The following RGS22 variants were observed in gnomAD, a reference collection of about 807,000 sequenced individuals.
RGS22 encodes regulator of G-protein signaling 22.
In RGS22, 148 loss-of-function variants were observed where a neutral mutation model predicts 172.9. The observed-to-expected ratio is 0.86, with a 90% CI of 0.75 to 0.98. The LOEUF (loss-of-function observed/expected upper bound fraction) is 0.98, where lower values mean the gene tolerates loss of function less well. RGS22 is among the 50% of genes least tolerant of loss of function. The probability of loss-of-function intolerance (pLI) is 0.00; values close to 1 mark genes in which losing one functional copy is unlikely to be tolerated. For synonymous variants in RGS22, 458 were observed against 480.2 expected (o/e 0.95, Z 0.60); for missense variants, 1,347 against 1,440.8 (o/e 0.93, Z 1.05).
At chr8:99,993,850 G>C (rs553574486) in intron 20 of RGS22, among the ~76,000 whole-genome samples, 1 of 152,222 alleles carries the variant, frequency 6.6e-6, no homozygotes, top group Admixed American at 6.5e-5. Flanking sequence ...GACAAACATC[G>C]ATGCGAAAAT....
At chr8:100,087,538 C>T (rs530862311) in intron 3 of RGS22, among the ~76,000 whole-genome samples, 10 of 150,038 alleles carry the variant, frequency 6.7e-5, no homozygotes, top group Non-Finnish European at 1.2e-4. Flanking sequence ...TAATTAGTGA[C>T]GTACTTAAAC....
rs190017577 is a variant in RGS22 at position 100,011,265 on chromosome 8, G to T, written c.2167-2696C>A. On this transcript the variant is annotated intron_variant, in intron 14 of 27. Transcript: ENST00000360863. ...GAATCTTTGAAGGATTTTAACTGAG[G>T]AGTGACGTCATTGGATGTGATAGTT... Among the ~76,000 whole-genome samples the T allele has an allele frequency of 9.9e-5, 15 of 152,200 alleles. No homozygotes were observed. The East Asian group carries it at 2.9e-3, about 29-fold the overall frequency.
At chr8:100,059,967 C>A (rs991885078) in intron 9 of RGS22, among the ~76,000 whole-genome samples, 2 of 152,100 alleles carry the variant, frequency 1.3e-5, no homozygotes, top group Admixed American at 1.3e-4. Flanking sequence ...CTCAAGCGAT[C>A]CTCCTGCCTC....
Position 99,987,445 on chromosome 8 carries a change from C to A in RGS22, c.3180+13G>T. On this transcript the variant is annotated intron_variant, in intron 21 of 27. Transcript: ENST00000360863. ...TCAAAACAGGTGGTTTTCTCTAGCT[C>A]CCAATACAATACCTTATATTTTTGT... 1 of 1,570,874 alleles carries A rather than the reference C, an allele frequency of 6.4e-7. No individual in the cohort carries two copies. The highest frequency in any genetic ancestry group is 8.7e-7 in the Non-Finnish European group (1 of 1,155,538).
intron 11 of RGS22, among the ~76,000 whole-genome samples, chr8:100,046,825 GT>G (rs375926392): frequency 3.4e-5 from 5 of 148,974 alleles, no homozygotes; most frequent in Non-Finnish European, 4.5e-5. Flanking sequence ...TTGTTTTTTT[GT>G]TTTTTTTTAG....
rs574003329 is a variant in RGS22 at position 99,989,728 on chromosome 8, C to G, written c.3019-2109G>C. On this transcript the variant is annotated intron_variant, in intron 20 of 27. Transcript: ENST00000360863. Reference sequence around the variant, plus strand: ...GGTGTGGTGGTGCGTGCCTGTAATCCCAACTACTGGGGAGTTTGAGGCACG... The same window carrying G: ...GGTGTGGTGGTGCGTGCCTGTAATCGCAACTACTGGGGAGTTTGAGGCACG... Among the ~76,000 whole-genome samples the G allele has an allele frequency of 2.6e-5, 4 of 152,180 alleles. No individual in the cohort carries two copies. The East Asian group carries it at 7.7e-4, about 29-fold the overall frequency.
At chr8:100,039,651 C>T (rs1340384324) in intron 13 of RGS22, among the ~76,000 whole-genome samples, 2 of 152,096 alleles carry the variant, frequency 1.3e-5, no homozygotes, top group African/African-American at 2.4e-5. Flanking sequence ...GCTGGGATTA[C>T]AGGCATGAGC....
At chr8:99,992,516 A>G (rs1414826780) in intron 20 of RGS22, among the ~76,000 whole-genome samples, 2 of 152,186 alleles carry the variant, frequency 1.3e-5, no homozygotes, top group Non-Finnish European at 2.9e-5. Context: ...AAAATAGACA[A>G]AGAAGGCCGT....
chr8:100,041,066 G>A (rs112709704), intron 12 of RGS22, among the ~76,000 whole-genome samples: 2 of 152,338 alleles, frequency 1.3e-5, no homozygotes, highest in Admixed American at 6.5e-5. Flanking sequence ...TGTTCAGACT[G>A]TATTAGGACT....
intron 3 of RGS22, among the ~76,000 whole-genome samples, chr8:100,088,672 T>C (rs540120487): frequency 1.3e-5 from 2 of 152,252 alleles, no homozygotes; most frequent in Admixed American, 6.5e-5. Flanking sequence ...AAAAATAACA[T>C]GGAGGCAGGC....
At chr8:100,019,895 T>C (rs1412894529) in intron 14 of RGS22, among the ~76,000 whole-genome samples, 1 of 152,050 alleles carries the variant, frequency 6.6e-6, no homozygotes, top group Non-Finnish European at 1.5e-5. Context: ...GTACTTTTTT[T>C]TTTTTTTAGA....
intron 9 of RGS22, among the ~76,000 whole-genome samples, chr8:100,056,937 T>A (rs1457406401): frequency 6.6e-6 from 1 of 152,164 alleles, no homozygotes; most frequent in Non-Finnish European, 1.5e-5. Context: ...ACCAACAGTT[T>A]GCACTGTGTG....
rs780539824 is a variant in RGS22 at position 100,008,566 on chromosome 8, G to T, written c.2170C>A (p.Leu724Ile). ...GAAGGAGCAACGTATGTGGCAAAAA[G>T]ATACTGAAGGAGAAGAGGGAAGAAG... ...PFKVCKQAQY[L>I]FATYVAPSAT... Residue 724 changes from leucine (L) to isoleucine (I), a missense_variant, in exon 15 of 28, where the codon CTT becomes ATT. Transcript: ENST00000360863. The T allele has an allele frequency of 2.5e-6, 4 of 1,606,062 alleles. No individual in the cohort carries two copies. The highest frequency in any genetic ancestry group is 1.3e-5 in the African/African-American group (1 of 74,152).
At chr8:99,965,161 G>T (rs566870573) in intron 24 of RGS22, among the ~76,000 whole-genome samples, 174 bp downstream of exon 24, 1 of 152,238 alleles carries the variant, frequency 6.6e-6, no homozygotes, top group South Asian at 2.1e-4. Flanking sequence ...TCTGGGATTG[G>T]CTGAAATTTT....
chr8:99,965,084 A>G (rs1810586866), intron 24 of RGS22, among the ~76,000 whole-genome samples: 1 of 152,150 alleles, frequency 6.6e-6, no homozygotes, highest in African/African-American at 2.4e-5. Flanking sequence ...CAACAAGATG[A>G]TCACTTCAAC....
chr8:100,002,157 C>A, intron 18 of RGS22, 45 bp downstream of exon 18: 1 of 1,411,234 alleles, frequency 7.1e-7, no homozygotes, highest in Non-Finnish European at 9.5e-7. Context: ...AATAAAATAC[C>A]GGTTTTCAAA....
chr8:100,075,072 A>G (rs1415187091), intron 4 of RGS22, among the ~76,000 whole-genome samples: 4 of 152,250 alleles, frequency 2.6e-5, no homozygotes, highest in Non-Finnish European at 4.4e-5. Context: ...GCCTGGCCGC[A>G]TGCAGGTTTT....
At chr8:100,037,880 C>T (rs1819666375) in intron 14 of RGS22, among the ~76,000 whole-genome samples, 1 of 152,050 alleles carries the variant, frequency 6.6e-6, no homozygotes, top group Non-Finnish European at 1.5e-5. Flanking sequence ...TTCATGGAGA[C>T]AGATATGGGC....
At chr8:100,042,911 G>A (rs1164067809) in intron 11 of RGS22, 1 of 152,176 alleles carries the variant, frequency 6.6e-6, no homozygotes, top group African/African-American at 2.4e-5. Context: ...AAATGTGCTA[G>A]GGAGCTTCTG....
Sources: gnomAD v4.1 joint callset for allele counts (sites outside exome capture counted in the v4.1 genomes callset) on GRCh38, gnomAD v4.1.1 for gene constraint, MANE v1.5 for transcripts, NCBI Gene and HGNC (gene_info 2026-07-23, HGNC 2026-07-21) for gene names.